MRPL43: variants seen among roughly 807,000 people sequenced by gnomAD.
The protein encoded by MRPL43 is large ribosomal subunit protein mL43.
Under a neutral mutation model 12.7 loss-of-function variants are expected in MRPL43, and 9 were observed. The observed-to-expected ratio is 0.71, with a 90% CI of 0.43 to 1.24. The LOEUF is 1.24. Among genes scored for constraint, MRPL43 ranks in the 50% most tolerant of loss-of-function variants. The pLI, the probability that MRPL43 is intolerant of heterozygous loss-of-function variation, is 0.00. For missense variants in MRPL43, 211 were observed against 229.2 expected (o/e 0.92, Z 0.51); for synonymous variants, 116 against 96.4 (o/e 1.20, Z -1.19).
Position 100,987,448 on chromosome 10 carries a change from A to C in MRPL43, c.-5T>G, listed in dbSNP as rs561673715. 1 of 1,611,748 alleles carries C rather than the reference A, an allele frequency of 6.2e-7. No homozygotes were observed. Among genetic ancestry groups the C allele is most frequent in the African/African-American group, 1.3e-5 (1 of 74,930 alleles). On this transcript the variant is annotated 5_prime_UTR_variant, in exon 1 of 3. Coordinates refer to ENST00000318364, the MANE Select transcript of MRPL43 (RefSeq NM_032112.3). ...CGGAGTCCCGCGCGCCGTCATAGCT[A>C]CAGCTTGGAGGCCGCGGAGCCTAAG...
downstream of MRPL43, chr10:100,978,502 C>G (rs1554883739): frequency 3.1e-6 from 5 of 1,607,526 alleles, no homozygotes; most frequent in South Asian, 5.5e-5. Context: ...ACATGTCTCT[C>G]ATGCCTGGAA....
At chr10:100,984,039 G>T, downstream of MRPL43, 2 of 1,613,676 alleles carry the variant, frequency 1.2e-6, no homozygotes, top group Non-Finnish European at 1.7e-6. Flanking sequence ...AGTACCAGCA[G>T]GGCCCTGCTC....
At chr10:100,977,876 C>T (rs1388551233), downstream of MRPL43, 14 of 670,758 alleles carry the variant, frequency 2.1e-5, no homozygotes, top group East Asian at 8.2e-5. Context: ...CCAGTGGCGG[C>T]GGGCTGCACT....
At chr10:100,983,435 G>A (rs977978033), downstream of MRPL43, 1 of 1,613,868 alleles carries the variant, frequency 6.2e-7, no homozygotes, top group South Asian at 1.1e-5. Flanking sequence ...GCGATGGGCA[G>A]GGTGGCTACC....
At chr10:100,985,127 T>C, downstream of MRPL43, 1 of 447,362 alleles carries the variant, frequency 2.2e-6, no homozygotes, top group Non-Finnish European at 3.9e-6. Flanking sequence ...TGAGCCAGCC[T>C]CTCTTTTGGG....
At chr10:100,983,318 ACTG>A (rs755081302), downstream of MRPL43, 8 of 1,552,610 alleles carry the variant, frequency 5.2e-6, no homozygotes, top group Admixed American at 9.4e-5. Flanking sequence ...CACCACCACC[ACTG>A]AAGACCCGCT....
chr10:100,987,354 G>C lies in MRPL43; in HGVS notation c.90C>G (p.Ser30Arg). 2 of 1,612,592 alleles carry C rather than the reference G, an allele frequency of 1.2e-6. No individual in the cohort carries two copies. The highest frequency in any genetic ancestry group is 1.7e-6 in the Non-Finnish European group (2 of 1,179,898). Reference protein sequence around the residue: ...GRYVQQLQRLSFSVSRDGASS... With the variant: ...GRYVQQLQRLRFSVSRDGASS... ...AGGCGCCGTCGCGGCTGACGCTGAA[G>C]CTCAGACGCTGCAGCTGCTGCACAT... The change falls in exon 1 of 3, where the codon AGC (serine) becomes AGG (arginine). Residue 30 changes from serine (S) to arginine (R), a missense_variant. Ser to Arg is a moderately radical substitution (Grantham distance 110). Coordinates refer to ENST00000318364, the MANE Select transcript of MRPL43 (RefSeq NM_032112.3).
Position 100,986,918 on chromosome 10 carries a change from G to A in MRPL43, c.296C>T (p.Thr99Met), listed in dbSNP as rs1851516615. Reference sequence around the variant, plus strand: ...CTGGTCGGCCAGCTTCTGCACCAGCGTCGAGATCTCCTCGACCGACTTGCA... The same window carrying A: ...CTGGTCGGCCAGCTTCTGCACCAGCATCGAGATCTCCTCGACCGACTTGCA... ...IHCKSVEEIS[T>M]LVQKLADQSG... Residue 99 changes from threonine to methionine, a missense_variant, in exon 3 of 3, where the codon ACG becomes ATG. By Grantham distance (81) the Thr-to-Met change is moderately conservative (BLOSUM62 -1). Transcript: ENST00000318364. 4 of 1,610,928 alleles carry A rather than the reference G, an allele frequency of 2.5e-6. No homozygotes were observed. Among genetic ancestry groups the A allele is most frequent in the Non-Finnish European group, 3.4e-6 (4 of 1,180,010 alleles).
chr10:100,982,794 A>AAAAAC (rs1397756903), downstream of MRPL43, among the ~76,000 whole-genome samples: 3 of 152,348 alleles, frequency 2.0e-5, no homozygotes, highest in Admixed American at 6.5e-5. Context: ...TCCGTCTCAA[A>AAAAAC]AAAACAAAAC....
chr10:100,980,145 C>T (rs1850994826), downstream of MRPL43: 2 of 1,614,108 alleles, frequency 1.2e-6, no homozygotes, highest in Non-Finnish European at 1.7e-6. Flanking sequence ...CATTGCGCAG[C>T]CAAGGCTACA....
downstream of MRPL43, chr10:100,986,233 T>C: frequency 8.7e-7 from 1 of 1,146,566 alleles, no homozygotes; most frequent in South Asian, 2.2e-5. Flanking sequence ...AACTGAGGCT[T>C]GTGCTTAACA....
chr10:100,978,428 T>G (rs377441953), downstream of MRPL43: 5 of 1,605,854 alleles, frequency 3.1e-6, no homozygotes, highest in South Asian at 5.5e-5. Context: ...ATGGTATTTT[T>G]AGGATGTGGA....
rs773054392 is a variant in MRPL43 at position 100,987,216 on chromosome 10, G to A, written c.132-20C>T. On this transcript the variant is annotated intron_variant, in intron 1 of 2. Coordinates refer to ENST00000318364, the MANE Select transcript of MRPL43 (RefSeq NM_032112.3). ...AACTCCCTAAGCGACCCGGGACAGT[G>A]AGCAGTATGACCCCTGACTGGGGGC... 1.2e-6 allele frequency: 2 copies of A among 1,613,604 alleles called. No homozygotes were observed. The highest frequency in any genetic ancestry group is 1.1e-5 in the South Asian group (1 of 91,084).
downstream of MRPL43, chr10:100,984,146 A>AG: frequency 6.3e-7 from 1 of 1,592,596 alleles, no homozygotes; most frequent in Non-Finnish European, 8.5e-7. Context: ...AGCCTCCCAG[A>AG]ACAAATGCTC....
chr10:100,984,797 T>G (rs1851347694), downstream of MRPL43: 5 of 1,535,582 alleles, frequency 3.3e-6, no homozygotes, highest in African/African-American at 1.4e-5. Context: ...CGGGCCAGCC[T>G]GGGGAGGTAA....
At chr10:100,982,628 C>T (rs111610808), downstream of MRPL43, among the ~76,000 whole-genome samples, 635 of 152,282 alleles carry the variant, frequency 4.2e-3, 1 homozygote, top group Admixed American at 6.6e-3. Context: ...CCTGTCTCTA[C>T]TAAAAATACA....
At chr10:100,985,178 G>A (rs1851377980), downstream of MRPL43, 1 of 356,694 alleles carries the variant, frequency 2.8e-6, no homozygotes. Flanking sequence ...AGCAGGGAAA[G>A]GGAGGAGAAA....
downstream of MRPL43, chr10:100,980,045 T>C: frequency 6.2e-7 from 1 of 1,613,420 alleles, no homozygotes; most frequent in Non-Finnish European, 8.5e-7. Flanking sequence ...CAGGGAAGGG[T>C]CAAAGGGTCT....
downstream of MRPL43, among the ~76,000 whole-genome samples, chr10:100,981,716 G>C (rs1789766484): frequency 6.6e-6 from 1 of 152,224 alleles, no homozygotes; most frequent in South Asian, 2.1e-4. Context: ...AGCCCAGGGA[G>C]TGTAAGTAAA....
Sources: gnomAD v4.1 joint callset for allele counts (sites outside exome capture counted in the v4.1 genomes callset) on GRCh38, gnomAD v4.1.1 for gene constraint, MANE v1.5 for transcripts, NCBI Gene and HGNC (gene_info 2026-07-23, HGNC 2026-07-21) for gene names.